Variants in RBFOX1 observed in about 807,000 individuals in gnomAD.
The protein encoded by RBFOX1 is RNA binding protein fox-1 homolog 1.
RBFOX1 carries 8 observed loss-of-function variants against 57.7 expected under a neutral mutation model. That is an observed-to-expected ratio of 0.14 (90% CI 0.08 to 0.25). The LOEUF (loss-of-function observed/expected upper bound fraction) is 0.25, where lower values mean the gene tolerates loss of function less well. RBFOX1 is among the 10% of genes least tolerant of loss of function. The pLI is 1.00. For missense variants in RBFOX1, 611 were observed against 548.5 expected, an observed-to-expected ratio of 1.11 and a Z score of -1.14; for synonymous variants, 326 against 222.4, an observed-to-expected ratio of 1.47 and a Z score of -4.15.
At chr16:5,919,038 T>G (rs1386442566) in intron 4 of RBFOX1, among the ~76,000 whole-genome samples, 3 of 152,180 alleles carry the variant, frequency 2.0e-5, no homozygotes, top group Admixed American at 6.5e-5. Flanking sequence ...GAAGGAATCA[T>G]ATATCCACGT....
intron 3 of RBFOX1, among the ~76,000 whole-genome samples, chr16:5,646,182 A>ATTTTT (rs55685218): frequency 1.5e-4 from 20 of 133,720 alleles, no homozygotes; most frequent in African/African-American, 2.3e-4. Flanking sequence ...GGCACGTGCT[A>ATTTTT]TTTTTTTTTT....
chr16:6,176,284 T>G (rs2097007477), intron 1 of RBFOX1, among the ~76,000 whole-genome samples: 1 of 150,834 alleles, frequency 6.6e-6, no homozygotes, highest in Non-Finnish European at 1.5e-5. Context: ...TAGCTGGGAT[T>G]ACAGGTGCCC....
At chr16:5,727,234 T>C (rs1487892628) in intron 3 of RBFOX1, among the ~76,000 whole-genome samples, 1 of 151,628 alleles carries the variant, frequency 6.6e-6, no homozygotes, top group Non-Finnish European at 1.5e-5. Flanking sequence ...ATTGTGCCAC[T>C]GCACTCCAGC....
chr16:6,494,243 A>T (rs888525524), intron 2 of RBFOX1, among the ~76,000 whole-genome samples: 16 of 152,112 alleles, frequency 1.1e-4, no homozygotes, highest in African/African-American at 3.9e-4. Flanking sequence ...ACTTGCACGT[A>T]TTTGTGTGTA....
intron 1 of RBFOX1, among the ~76,000 whole-genome samples, chr16:6,205,466 C>A (rs912639854): frequency 6.6e-6 from 1 of 152,174 alleles, no homozygotes; most frequent in Non-Finnish European, 1.5e-5. Context: ...TTCTTCTCTG[C>A]GTCTGCTTCT....
intron 3 of RBFOX1, among the ~76,000 whole-genome samples, chr16:6,964,307 T>C (rs1296897775): frequency 2.6e-5 from 4 of 152,200 alleles, no homozygotes; most frequent in African/African-American, 9.7e-5. Context: ...GCATGAGCTG[T>C]TGTGCCTGGC....
At chr16:7,395,270 G>T (rs771477537) in intron 4 of RBFOX1, among the ~76,000 whole-genome samples, 3 of 151,988 alleles carry the variant, frequency 2.0e-5, no homozygotes, top group African/African-American at 7.3e-5. Flanking sequence ...TTTACTGGGA[G>T]CCCCCAACAC....
At chr16:7,209,991 G>C (rs1290873683) in intron 4 of RBFOX1, among the ~76,000 whole-genome samples, 1 of 152,144 alleles carries the variant, frequency 6.6e-6, no homozygotes, top group Non-Finnish European at 1.5e-5. Context: ...TTATTAAACT[G>C]CCTTGCCTCT....
At chr16:6,988,231 T>C (rs1599291522) in intron 3 of RBFOX1, among the ~76,000 whole-genome samples, 1 of 152,340 alleles carries the variant, frequency 6.6e-6, no homozygotes, top group East Asian at 1.9e-4. Context: ...ATTTGCATTT[T>C]CCTGCTGGTT....
At chr16:7,195,632 A>C (rs539416028) in intron 4 of RBFOX1, among the ~76,000 whole-genome samples, 1 of 152,238 alleles carries the variant, frequency 6.6e-6, no homozygotes, top group East Asian at 1.9e-4. Context: ...ATCTCAACTC[A>C]CTGCAACCTC....
At chr16:6,493,088 A>G (rs962183400) in intron 2 of RBFOX1, among the ~76,000 whole-genome samples, 2 of 152,192 alleles carry the variant, frequency 1.3e-5, no homozygotes, top group African/African-American at 4.8e-5. Flanking sequence ...AAAAGCCTCC[A>G]TTTTGCAAAC....
chr16:6,851,921 A>C (rs953350628), intron 3 of RBFOX1, among the ~76,000 whole-genome samples: 23 of 127,198 alleles, frequency 1.8e-4, no homozygotes, highest in African/African-American at 6.4e-4. Context: ...ATTAGTTTCC[A>C]TTGGGTTTTT....
At chr16:6,550,515 G>T (rs895931299) in intron 2 of RBFOX1, among the ~76,000 whole-genome samples, 63 of 151,814 alleles carry the variant, frequency 4.1e-4, no homozygotes, top group African/African-American at 1.5e-3. Flanking sequence ...CAGTAGAGAC[G>T]GGGTTTCATG....
At chr16:6,061,401 A>G (rs1402233767) in intron 1 of RBFOX1, among the ~76,000 whole-genome samples, 1 of 152,042 alleles carries the variant, frequency 6.6e-6, no homozygotes, top group Non-Finnish European at 1.5e-5. Flanking sequence ...GATAATTTTC[A>G]TTATATGTCT....
intron 3 of RBFOX1, among the ~76,000 whole-genome samples, chr16:6,831,546 A>G (rs1603630028): frequency 1.3e-5 from 2 of 152,240 alleles, no homozygotes; most frequent in Non-Finnish European, 1.5e-5. Context: ...TGAACATTAC[A>G]TCTAAAGATG....
chr16:6,558,236 C>G (rs2097131960), intron 2 of RBFOX1, among the ~76,000 whole-genome samples: 1 of 152,016 alleles, frequency 6.6e-6, no homozygotes, highest in South Asian at 2.1e-4. Flanking sequence ...CTCTATGTGG[C>G]TCGTCCCCAC....
intron 4 of RBFOX1, among the ~76,000 whole-genome samples, chr16:5,915,838 A>T (rs2058693328): frequency 7.1e-6 from 1 of 140,818 alleles, no homozygotes; most frequent in Non-Finnish European, 1.5e-5. Context: ...TATAAAAAGA[A>T]AAAAAAAAGT....
intron 10 of RBFOX1, chr16:7,614,653 A>C (rs368615520): frequency 1.8e-4 from 27 of 152,300 alleles, no homozygotes; most frequent in African/African-American, 6.0e-4. Context: ...GAAGCGAATG[A>C]GGTTTGGATA....
intron 4 of RBFOX1, among the ~76,000 whole-genome samples, chr16:7,471,897 A>G (rs2061617273): frequency 6.6e-6 from 1 of 152,156 alleles, no homozygotes; most frequent in African/African-American, 2.4e-5. Context: ...ATTCTATGCC[A>G]TTTCCTGCTT....
Sources: gnomAD v4.1 joint callset for allele counts (sites outside exome capture counted in the v4.1 genomes callset) on GRCh38, gnomAD v4.1.1 for gene constraint, MANE v1.5 for transcripts, NCBI Gene and HGNC (gene_info 2026-07-23, HGNC 2026-07-21) for gene names.